Variants in PDGFA observed in about 807,000 individuals in gnomAD.
The protein encoded by PDGFA is platelet-derived growth factor subunit A.
In PDGFA, 9 loss-of-function variants were observed where a neutral mutation model predicts 25.6. The observed-to-expected ratio is 0.35, with a 90% CI of 0.21 to 0.61. The LOEUF is 0.61. Among genes scored for constraint, PDGFA ranks in the 20% least tolerant of loss-of-function variants. The probability of loss-of-function intolerance (pLI) is 0.75; values close to 1 mark genes in which losing one functional copy is unlikely to be tolerated. For synonymous variants in PDGFA, 133 were observed against 111.8 expected (o/e 1.19, Z -1.20); for missense variants, 242 against 272.8 (o/e 0.89, Z 0.79).
At position 500,671 on chromosome 7, in the gene PDGFA, G is replaced by A; in HGVS notation, c.580+445C>T. 6.9e-7 allele frequency: 1 copy of A among 1,454,840 alleles called. No homozygotes were observed. The highest frequency in any genetic ancestry group is 1.4e-5 in the South Asian group (1 of 69,800). 90.1% of individuals were successfully genotyped at this position (1,454,840 alleles called of 1,614,324 possible). On this transcript the variant is annotated intron_variant, in intron 5 of 5. Transcript: ENST00000402802. The surrounding 1 kb of genome is among the most constrained non-coding windows in gnomAD (Gnocchi z 5.0). ...TGCTCCCAGGGCCCAGCCATAGCAGGGCACAGAAGCCATTCTGCTCCTGGG... is the reference window on the plus strand; with the variant it reads ...TGCTCCCAGGGCCCAGCCATAGCAGAGCACAGAAGCCATTCTGCTCCTGGG...
intron 4 of PDGFA, among the ~76,000 whole-genome samples, chr7:508,982 A>T (rs2128398629): frequency 6.6e-6 from 1 of 152,368 alleles, no homozygotes; most frequent in Admixed American, 6.5e-5. Flanking sequence ...ACAGGTGAGG[A>T]AAATGAGGCC....
intron 1 of PDGFA, 120 bp downstream of exon 1, chr7:518,819 A>G: frequency 1.7e-6 from 1 of 580,046 alleles, no homozygotes. Context: ...GGGAAAATCT[A>G]AACATCGACC....
chr7:520,002 G>GCGC (rs1442148048), upstream of PDGFA: 14 of 371,382 alleles, frequency 3.8e-5, no homozygotes, highest in Admixed American at 6.5e-5. Flanking sequence ...CAGGGCCCGG[G>GCGC]CGCCGCCGCC....
chr7:506,784 C>A (rs187705377), intron 4 of PDGFA, among the ~76,000 whole-genome samples: 2 of 152,206 alleles, frequency 1.3e-5, no homozygotes, highest in African/African-American at 2.4e-5. Flanking sequence ...CAGTCACTCC[C>A]CCAGGGCTGC....
upstream of PDGFA, chr7:519,930 T>TCC (rs1783301069): frequency 2.7e-5 from 1 of 37,432 alleles, no homozygotes; most frequent in Non-Finnish European, 5.2e-5. Flanking sequence ...CCCCCCCGCC[T>TCC]CCCCCGGATT....
chr7:498,320 CTT>C (rs760035690), exon 6 of PDGFA: 61,866 of 360,002 alleles, frequency 0.17, 40 homozygotes, highest in Non-Finnish European at 0.21. Flanking sequence ...TTCTCTCTCT[CTT>C]TCTCTCTCTC....
chr7:503,371 G>C (rs145807896), intron 4 of PDGFA, among the ~76,000 whole-genome samples: 3,836 of 152,254 alleles, frequency 0.025, 138 homozygotes, highest in African/African-American at 0.08. Flanking sequence ...CGGTTCATGG[G>C]GAAACTGAGG....
upstream of PDGFA, chr7:520,281 CCCGGCGCT>C (rs1783314467): frequency 1.1e-5 from 2 of 190,408 alleles, no homozygotes. Flanking sequence ...CCGCCCCCGC[CCCGGCGCT>C]CCGGCCGCTC....
At chr7:499,720 TCCCCCCC>T (rs1162560758) in intron 5 of PDGFA, among the ~76,000 whole-genome samples, 3 of 23,050 alleles carry the variant, frequency 1.3e-4, no homozygotes, top group Admixed American at 3.4e-4. Flanking sequence ...ATTTTGCCCT[TCCCCCCC>T]CCCCCCGCTC....
chr7:508,966 C>A (rs1782685872), intron 4 of PDGFA, among the ~76,000 whole-genome samples: 1 of 152,270 alleles, frequency 6.6e-6, no homozygotes, highest in Non-Finnish European at 1.5e-5. Flanking sequence ...GCCTCAGACC[C>A]ATTGCACAGG....
upstream of PDGFA, chr7:519,553 T>G (rs1463248020): frequency 6.8e-6 from 1 of 146,594 alleles, no homozygotes; most frequent in Non-Finnish European, 1.5e-5. Context: ...GGCCTCCTCT[T>G]GCAGCCGCCG....
chr7:504,536 G>A (rs1224219407), intron 4 of PDGFA, among the ~76,000 whole-genome samples: 4 of 152,164 alleles, frequency 2.6e-5, no homozygotes, highest in Admixed American at 6.5e-5. Context: ...GGTCCCAGCA[G>A]GAGGAACAGC....
At chr7:518,907 G>C (rs1263213333) in intron 1 of PDGFA, 32 bp downstream of exon 1, 1 of 1,468,516 alleles carries the variant, frequency 6.8e-7, no homozygotes, top group African/African-American at 1.4e-5. Flanking sequence ...GGAGGAGCCG[G>C]CGCAGGGACG....
rs112882143 is a variant in PDGFA, at chr7:511,619, A to T, written c.266-623T>A. 6.6e-3 allele frequency among the ~76,000 whole-genome samples: 1,009 copies of T among 152,304 alleles called. 6 individuals carry two copies. The highest frequency in any genetic ancestry group is 0.022 in the African/African-American group (929 of 41,554). On this transcript the variant is annotated intron_variant, in intron 3 of 5. Transcript: ENST00000402802. Reference sequence around the variant, plus strand: ...GATACAAAATCCATCTTCATGGAGGAAACCACAGCTCAGAGAGGGGGGTCC... The same window carrying T: ...GATACAAAATCCATCTTCATGGAGGTAACCACAGCTCAGAGAGGGGGGTCC...
At position 508,678 on chromosome 7, in the gene PDGFA, C is replaced by G. The variant is rs111250922; in HGVS notation, c.453+2131G>C. Among the ~76,000 whole-genome samples, 573 of 150,896 alleles carry G rather than the reference C, an allele frequency of 3.8e-3. 3 individuals are homozygous for G. Among genetic ancestry groups the G allele is most frequent in the African/African-American group, 0.013 (537 of 41,160 alleles). On this transcript the variant is annotated intron_variant, in intron 4 of 5. Coordinates refer to ENST00000402802, the Ensembl canonical transcript of PDGFA. ...CACCCGCCTGTGCCCACTGCTCAAACTCATGGGTCCTGCAGGTCAGGTGGG... is the reference window on the plus strand; with the variant it reads ...CACCCGCCTGTGCCCACTGCTCAAAGTCATGGGTCCTGCAGGTCAGGTGGG...
intron 2 of PDGFA, among the ~76,000 whole-genome samples, chr7:514,542 A>G (rs1260616672): frequency 1.3e-5 from 2 of 152,148 alleles, no homozygotes; most frequent in African/African-American, 4.8e-5. Context: ...GGCCGGCAAG[A>G]ATCACCCCTA....
chr7:507,894 C>T (rs1051615336), intron 4 of PDGFA, among the ~76,000 whole-genome samples: 10 of 152,178 alleles, frequency 6.6e-5, no homozygotes, highest in Admixed American at 5.2e-4. Flanking sequence ...CCCTGACCCC[C>T]CGGCGGTAAA....
Position 500,705 on chromosome 7 carries a change from G to T in PDGFA, c.580+411C>A. The T allele has an allele frequency of 1.4e-6, 2 of 1,441,528 alleles. No individual in the cohort carries two copies. Among genetic ancestry groups the T allele is most frequent in the Middle Eastern group, 2.6e-4 (1 of 3,884 alleles). 89.3% of individuals were successfully genotyped at this position (1,441,528 alleles called of 1,614,324 possible). A position where few individuals can be genotyped will look rare whatever the true frequency, so the allele number is the denominator to read the frequency against. ...GCCATTCTGCTCCTGGGTGGAGTCCGCGTGGCGGGGTGAAGGAGAGACCCC... is the reference window on the plus strand; with the variant it reads ...GCCATTCTGCTCCTGGGTGGAGTCCTCGTGGCGGGGTGAAGGAGAGACCCC... On this transcript the variant is annotated intron_variant, in intron 5 of 5. Transcript: ENST00000402802. The surrounding 1 kb of genome is among the most constrained non-coding windows in gnomAD (Gnocchi z 5.0).
intron 2 of PDGFA, chr7:513,030 G>T (rs551064525): frequency 1.1e-5 from 2 of 189,254 alleles, no homozygotes; most frequent in South Asian, 2.3e-4. Context: ...AGACTGGGCT[G>T]CGGGCCAGAC....
Sources: gnomAD v4.1 joint callset for allele counts (sites outside exome capture counted in the v4.1 genomes callset) on GRCh38, gnomAD v4.1.1 for gene constraint, Gnocchi (gnomAD v3.1) non-coding constraint, MANE v1.5 for transcripts, NCBI Gene and HGNC (gene_info 2026-07-23, HGNC 2026-07-21) for gene names.